Variants in ADGRV1 observed in about 807,000 individuals in gnomAD.
ADGRV1 encodes G-protein coupled receptor 98.
ADGRV1 carries 359 observed loss-of-function variants against 596.2 expected under a neutral mutation model. The observed-to-expected ratio is 0.60, with a 90% CI of 0.55 to 0.66. The LOEUF is 0.66. Among genes scored for constraint, ADGRV1 ranks in the 30% least tolerant of loss-of-function variants. The pLI is 0.00. For synonymous variants in ADGRV1, 2,681 were observed against 2,679.2 expected, an observed-to-expected ratio of 1.00 and a Z score of -0.02; for missense variants, 7,274 against 7,575.6, an observed-to-expected ratio of 0.96 and a Z score of 1.48.
chr5:90,708,545 A>T (rs1442126942), intron 38 of ADGRV1, among the ~76,000 whole-genome samples: 1 of 151,528 alleles, frequency 6.6e-6, no homozygotes, highest in African/African-American at 2.4e-5. Context: ...TTATATATTT[A>T]TATAATTGGT....
chr5:90,559,657 A>G (rs1754552879), intron 1 of ADGRV1, among the ~76,000 whole-genome samples: 1 of 152,140 alleles, frequency 6.6e-6, no homozygotes, highest in African/African-American at 2.4e-5. Context: ...AGCCTTTAAA[A>G]TGTGTGTAAT....
chr5:90,706,183 G>C, intron 37 of ADGRV1, 48 bp from the exon 38 acceptor site: 1 of 1,539,786 alleles, frequency 6.5e-7, no homozygotes, highest in Non-Finnish European at 8.8e-7. Flanking sequence ...GGATATTATT[G>C]TAAACATTTA....
intron 84 of ADGRV1, among the ~76,000 whole-genome samples, chr5:90,974,919 C>G (rs1358856822): frequency 1.3e-5 from 2 of 152,170 alleles, no homozygotes; most frequent in East Asian, 3.8e-4. Flanking sequence ...AGGCAACCTA[C>G]AGAATGGTAG....
intron 57 of ADGRV1, 91 bp from the exon 58 acceptor site, chr5:90,759,318 A>G: frequency 1.0e-6 from 1 of 990,698 alleles, no homozygotes; most frequent in Non-Finnish European, 1.5e-6. Flanking sequence ...TATGTCAGCA[A>G]AAACTGTGAT....
intron 83 of ADGRV1, among the ~76,000 whole-genome samples, chr5:90,873,438 A>T (rs1289314726): frequency 6.6e-6 from 1 of 152,090 alleles, no homozygotes. Context: ...TGTGCAAGTG[A>T]TTTTATGGGG....
chr5:91,000,891 G>A (rs950017644), intron 85 of ADGRV1, among the ~76,000 whole-genome samples: 1 of 151,994 alleles, frequency 6.6e-6, no homozygotes, highest in Non-Finnish European at 1.5e-5. Context: ...TCTGTTACTC[G>A]GGGAAGGATC....
At chr5:91,121,184 T>TA (rs1562245554) in intron 87 of ADGRV1, among the ~76,000 whole-genome samples, 1 of 151,722 alleles carries the variant, frequency 6.6e-6, no homozygotes, top group Non-Finnish European at 1.5e-5. Flanking sequence ...AAAAAATAAA[T>TA]AAAAAAGGAA....
At chr5:90,997,025 G>A (rs1781474270) in intron 85 of ADGRV1, among the ~76,000 whole-genome samples, 1 of 152,120 alleles carries the variant, frequency 6.6e-6, no homozygotes, top group African/African-American at 2.4e-5. Context: ...AGGCTTATAG[G>A]CAGAAGGGAC....
At chr5:90,757,732 A>T (rs1755989663) in intron 57 of ADGRV1, among the ~76,000 whole-genome samples, 1 of 152,236 alleles carries the variant, frequency 6.6e-6, no homozygotes, top group Non-Finnish European at 1.5e-5. Context: ...CAAGAATTAC[A>T]AATTTTGTAA....
intron 85 of ADGRV1, among the ~76,000 whole-genome samples, chr5:90,989,448 C>T (rs1350021939): frequency 1.3e-5 from 2 of 152,142 alleles, no homozygotes; most frequent in African/African-American, 2.4e-5. Context: ...GAATTATTTT[C>T]TAATCTAACT....
At chr5:90,982,712 C>A (rs1414951181) in intron 84 of ADGRV1, among the ~76,000 whole-genome samples, 1 of 150,316 alleles carries the variant, frequency 6.7e-6, no homozygotes, top group African/African-American at 2.5e-5. Flanking sequence ...ACTCATGGAA[C>A]ATCAAGGAAT....
At chr5:90,606,396 C>T (rs1224175513) in intron 1 of ADGRV1, among the ~76,000 whole-genome samples, 1 of 152,058 alleles carries the variant, frequency 6.6e-6, no homozygotes, top group Non-Finnish European at 1.5e-5. Context: ...AGGGACTGTA[C>T]TAGGTGGTGG....
chr5:91,117,294 T>TATTC (rs1792933095), intron 87 of ADGRV1, among the ~76,000 whole-genome samples: 1 of 152,188 alleles, frequency 6.6e-6, no homozygotes, highest in Non-Finnish European at 1.5e-5. Flanking sequence ...TTTATTTATT[T>TATTC]ATTCATTCAT....
chr5:90,973,829 A>C (rs376238185), intron 84 of ADGRV1, among the ~76,000 whole-genome samples: 5 of 152,188 alleles, frequency 3.3e-5, no homozygotes, highest in Non-Finnish European at 7.3e-5. Context: ...CCTATTCAAC[A>C]TAGTGTTGGA....
chr5:90,994,329 C>T (rs1781233113), intron 85 of ADGRV1, among the ~76,000 whole-genome samples: 1 of 152,144 alleles, frequency 6.6e-6, no homozygotes, highest in South Asian at 2.1e-4. Flanking sequence ...TCCCAAAGTG[C>T]TGGGATTACA....
At position 90,789,738 on chromosome 5, in the gene ADGRV1, T is replaced by A. The variant is rs910190865; in HGVS notation, c.13930T>A (p.Phe4644Ile). The A allele has an allele frequency of 6.4e-7, 1 of 1,560,238 alleles. No individual in the cohort carries two copies. The highest frequency in any genetic ancestry group is 8.7e-7 in the Non-Finnish European group (1 of 1,149,372). ...TGGTGACCCAAATGGAGTTGTTCAG[T>A]TTGCTCCTGAAACTTTGTCTAAGAA... ...EFGDPNGVVQ[F>I]APETLSKKTY... is the part of the protein sequence containing the mutation. The change falls in exon 69 of 90, where the codon TTT becomes ATT. Residue 4644 changes from phenylalanine to isoleucine, a missense_variant. Phe to Ile is a conservative substitution (Grantham distance 21). This residue lies in a region of ADGRV1 where 3,643 missense variants were observed against 3,809.2 expected (regional missense o/e 0.96). Coordinates refer to ENST00000405460, the MANE Select transcript of ADGRV1 (RefSeq NM_032119.4).
At chr5:90,658,532 A>G (rs1309470327) in intron 21 of ADGRV1, among the ~76,000 whole-genome samples, 1 of 152,218 alleles carries the variant, frequency 6.6e-6, no homozygotes, top group Non-Finnish European at 1.5e-5. Context: ...CCTGAAAGTT[A>G]ATGCTCTTCA....
chr5:91,011,871 C>A (rs1194433721), intron 85 of ADGRV1, among the ~76,000 whole-genome samples: 1 of 151,888 alleles, frequency 6.6e-6, no homozygotes, highest in Non-Finnish European at 1.5e-5. Flanking sequence ...TCCATTTACA[C>A]CAAAACACTT....
intron 50 of ADGRV1, among the ~76,000 whole-genome samples, chr5:90,730,350 A>C (rs1752398705): frequency 6.6e-6 from 1 of 152,250 alleles, no homozygotes; most frequent in Non-Finnish European, 1.5e-5. Flanking sequence ...AATGAAAATA[A>C]TATATTTCTT....
Sources: allele counts gnomAD v4.1 joint callset (sites outside exome capture counted in the v4.1 genomes callset), GRCh38; gene constraint gnomAD v4.1.1; regional missense constraint gnomAD v4.1.1; transcripts MANE v1.5; gene names NCBI Gene and HGNC (gene_info 2026-07-23, HGNC 2026-07-21).